GPHN: variants seen among roughly 807,000 people sequenced by gnomAD.
GPHN encodes gephyrin.
Under a neutral mutation model 95.5 loss-of-function variants are expected in GPHN, and 17 were observed. The ratio of observed to expected loss-of-function variants is 0.18; its 90% CI spans 0.12 to 0.27. The LOEUF (loss-of-function observed/expected upper bound fraction) is 0.27, where lower values mean the gene tolerates loss of function less well. GPHN is among the 10% of genes least tolerant of loss of function. GPHN has a pLI of 1.00. For missense variants in GPHN, 660 were observed against 978.1 expected (o/e 0.67, Z 4.34); for synonymous variants, 320 against 322.5 (o/e 0.99, Z 0.08).
chr14:67,397,798 C>T, the GPHN span: 14 of 1,612,232 alleles, frequency 8.7e-6, no homozygotes, highest in Non-Finnish European at 1.2e-5. Flanking sequence ...GATGAACCAT[C>T]GCGCCTTCCA....
chr14:66,892,522 T>C (rs989450253), intron 5 of GPHN, among the ~76,000 whole-genome samples: 2 of 152,192 alleles, frequency 1.3e-5, no homozygotes, highest in Non-Finnish European at 1.5e-5. Context: ...CAGATGTCCA[T>C]TGATTGATGA....
chr14:66,754,292 A>T (rs571624529), intron 2 of GPHN, among the ~76,000 whole-genome samples: 35 of 152,204 alleles, frequency 2.3e-4, no homozygotes, highest in African/African-American at 8.4e-4. Flanking sequence ...AAAGTTTTCC[A>T]AAGTGACTGT....
At chr14:67,233,953 A>T in the GPHN span, among the ~76,000 whole-genome samples, 4 of 152,238 alleles carry the variant, frequency 2.6e-5, no homozygotes, top group African/African-American at 7.2e-5. Context: ...TGGAGTAAAC[A>T]GTATATAGAT....
the GPHN span, among the ~76,000 whole-genome samples, chr14:67,494,159 T>C: frequency 3.9e-5 from 6 of 152,170 alleles, no homozygotes; most frequent in Non-Finnish European, 7.3e-5. Flanking sequence ...GTCTTGCTAA[T>C]GCTTAAAATA....
intron 1 of GPHN, among the ~76,000 whole-genome samples, chr14:66,638,231 C>T (rs571187226): frequency 2.6e-5 from 4 of 152,118 alleles, no homozygotes; most frequent in South Asian, 2.1e-4. Context: ...ATCGGGAGTT[C>T]GAGACCAGCC....
the GPHN span, among the ~76,000 whole-genome samples, chr14:67,193,252 ATC>A: frequency 1.4e-5 from 2 of 138,824 alleles, no homozygotes; most frequent in African/African-American, 2.6e-5. Flanking sequence ...CTATCTATAT[ATC>A]TCTATATAGA....
chr14:67,036,540 C>CACACACACACACAG (rs946760546), intron 10 of GPHN, among the ~76,000 whole-genome samples: 11 of 148,222 alleles, frequency 7.4e-5, no homozygotes, highest in Non-Finnish European at 1.0e-4. Context: ...CACACACACA[C>CACACACACACACAG]AGAGAAACAC....
intron 10 of GPHN, among the ~76,000 whole-genome samples, chr14:67,039,756 GCA>G (rs2074604215): frequency 1.3e-5 from 2 of 152,298 alleles, no homozygotes; most frequent in African/African-American, 4.8e-5. Context: ...TCAAGCCACT[GCA>G]TTCCAGCCTG....
At chr14:66,519,232 A>C (rs2058376248) in intron 1 of GPHN, among the ~76,000 whole-genome samples, 1 of 152,058 alleles carries the variant, frequency 6.6e-6, no homozygotes, top group South Asian at 2.1e-4. Flanking sequence ...AAAGAATGTA[A>C]TAATACAGAA....
chr14:66,641,951 T>C (rs964927506), intron 1 of GPHN, among the ~76,000 whole-genome samples: 1 of 151,948 alleles, frequency 6.6e-6, no homozygotes, highest in Admixed American at 6.6e-5. Flanking sequence ...TCTTAAGGAG[T>C]AACAAAATAA....
At chr14:66,694,832 A>G (rs1209955123) in intron 2 of GPHN, among the ~76,000 whole-genome samples, 3 of 152,218 alleles carry the variant, frequency 2.0e-5, no homozygotes, top group African/African-American at 7.2e-5. Flanking sequence ...TTAAAAATAT[A>G]CAAGAACTCC....
chr14:66,599,808 G>A (rs1676580773), intron 1 of GPHN, among the ~76,000 whole-genome samples: 1 of 151,778 alleles, frequency 6.6e-6, no homozygotes, highest in African/African-American at 2.4e-5. Flanking sequence ...GGCTAATTGG[G>A]AAGTACAGAC....
At chr14:67,732,754 T>A in the GPHN span, among the ~76,000 whole-genome samples, 23 of 152,242 alleles carry the variant, frequency 1.5e-4, 1 homozygote, top group South Asian at 4.4e-3. Context: ...TTGTTTTTTG[T>A]ATTTTTAGTA....
At chr14:67,453,521 C>T in the GPHN span, among the ~76,000 whole-genome samples, 4 of 152,308 alleles carry the variant, frequency 2.6e-5, no homozygotes, top group South Asian at 6.2e-4. Flanking sequence ...CGCCTTCCTG[C>T]CCATCAGGGA....
At chr14:67,505,710 C>CTTT in the GPHN span, among the ~76,000 whole-genome samples, 1 of 141,468 alleles carries the variant, frequency 7.1e-6, no homozygotes, top group Admixed American at 7.1e-5. Context: ...ATAATTTGCT[C>CTTT]TTTTTTTTTT....
rs190976626 is a variant in GPHN, at chr14:67,045,144, G to T, written c.1007-13505G>T. ...ATAAATTGTACCACTGTTCACCTAG[G>T]ATTCTGGGAGGATTTTCCCAATCTG... On this transcript the variant is annotated intron_variant, in intron 10 of 22. Coordinates refer to ENST00000478722, the MANE Select transcript of GPHN (RefSeq NM_020806.5). Among the ~76,000 whole-genome samples, 43 of 152,280 alleles carry T rather than the reference G, an allele frequency of 2.8e-4. No homozygotes were observed. In the East Asian group the frequency reaches 4.8e-3, roughly 17 times the overall value.
At chr14:67,199,676 C>T in the GPHN span, 28 of 1,580,010 alleles carry the variant, frequency 1.8e-5, no homozygotes, top group Non-Finnish European at 2.3e-5. Context: ...CCAGCCTGAC[C>T]GCCCTCATCA....
chr14:66,698,167 A>G (rs1480673271), intron 2 of GPHN, among the ~76,000 whole-genome samples: 1 of 152,216 alleles, frequency 6.6e-6, no homozygotes, highest in African/African-American at 2.4e-5. Flanking sequence ...CTGAAATTTC[A>G]TCACAAGTTA....
intron 11 of GPHN, among the ~76,000 whole-genome samples, chr14:67,087,864 C>T (rs2076973987): frequency 1.3e-5 from 2 of 152,112 alleles, no homozygotes; most frequent in Admixed American, 6.5e-5. Flanking sequence ...TTTCTTCCTT[C>T]CTCTTCCTCT....
Sources: allele counts gnomAD v4.1 joint callset (sites outside exome capture counted in the v4.1 genomes callset), GRCh38; gene constraint gnomAD v4.1.1; transcripts MANE v1.5; gene names NCBI Gene and HGNC (gene_info 2026-07-23, HGNC 2026-07-21).